The following PRKAR2A variants were observed in gnomAD, a reference collection of about 807,000 sequenced individuals.
The protein encoded by PRKAR2A is cAMP-dependent protein kinase type II-alpha regulatory subunit.
Under a neutral mutation model 51.9 loss-of-function variants are expected in PRKAR2A, and 29 were observed. That is an observed-to-expected ratio of 0.56 (90% CI 0.42 to 0.76). The LOEUF (loss-of-function observed/expected upper bound fraction) is 0.76. Among genes scored for constraint, PRKAR2A ranks in the 30% least tolerant of loss-of-function variants. The probability of loss-of-function intolerance (pLI) is 0.00; values close to 1 mark genes in which losing one functional copy is unlikely to be tolerated. For synonymous variants in PRKAR2A, 178 were observed against 186.2 expected (o/e 0.96, Z 0.36); for missense variants, 445 against 512.1 (o/e 0.87, Z 1.26).
At chr3:48,791,228 A>G (rs1314453527) in intron 3 of PRKAR2A, among the ~76,000 whole-genome samples, 2 of 126,076 alleles carry the variant, frequency 1.6e-5, no homozygotes, top group African/African-American at 6.0e-5. Context: ...CGGAGGTTGC[A>G]GTGAGCCAAG....
intron 5 of PRKAR2A, among the ~76,000 whole-genome samples, chr3:48,776,425 T>C (rs2082105991): frequency 6.6e-6 from 1 of 152,178 alleles, no homozygotes; most frequent in South Asian, 2.1e-4. Context: ...TAATTTCATC[T>C]GCTAATAATA....
intron 2 of PRKAR2A, among the ~76,000 whole-genome samples, chr3:48,797,734 C>G (rs1265913442): frequency 6.6e-6 from 1 of 152,178 alleles, no homozygotes; most frequent in Non-Finnish European, 1.5e-5. Context: ...ATTCTAGTCT[C>G]TGAAATAGCA....
At chr3:48,791,285 TAAAAA>T (rs35380085) in intron 3 of PRKAR2A, among the ~76,000 whole-genome samples, 4 of 43,748 alleles carry the variant, frequency 9.1e-5, no homozygotes, top group African/African-American at 3.7e-4. Flanking sequence ...GATTCCATCT[TAAAAA>T]AAAAAAAAAA....
chr3:48,787,482 G>A (rs753302655), intron 4 of PRKAR2A, among the ~76,000 whole-genome samples: 5 of 152,016 alleles, frequency 3.3e-5, no homozygotes, highest in African/African-American at 7.2e-5. Context: ...CACCGTGCCC[G>A]TCCAAGTTAT....
intron 1 of PRKAR2A, among the ~76,000 whole-genome samples, chr3:48,845,810 G>A (rs1350736697): frequency 6.6e-6 from 1 of 152,124 alleles, no homozygotes; most frequent in Non-Finnish European, 1.5e-5. Context: ...GTAAGGCATG[G>A]TGGCACATGC....
intron 1 of PRKAR2A, among the ~76,000 whole-genome samples, chr3:48,820,203 A>G (rs1559640574): frequency 6.6e-6 from 1 of 152,188 alleles, no homozygotes. Context: ...TGTGGAGCCA[A>G]TGGAGTAGAT....
chr3:48,771,660 C>T (rs1202952688), intron 6 of PRKAR2A, among the ~76,000 whole-genome samples: 1 of 152,026 alleles, frequency 6.6e-6, no homozygotes, highest in Non-Finnish European at 1.5e-5. Flanking sequence ...TGGACTCAAT[C>T]CTCCCACCTC....
In PRKAR2A at chr3:48,790,229, G is replaced by A. The variant is rs1257405672; in HGVS notation, c.435+315C>T. Among the ~76,000 whole-genome samples, 3 of 152,176 alleles carry A rather than the reference G, an allele frequency of 2.0e-5. No individual in the cohort carries two copies. In the South Asian group the frequency reaches 6.2e-4, roughly 32 times the overall value. On this transcript the variant is annotated intron_variant, in intron 4 of 10. Coordinates refer to ENST00000265563, the MANE Select transcript of PRKAR2A (RefSeq NM_004157.4). ...TGAGACTCATCACACTACTCGGAAT[G>A]GCATGCCTTTTAAAACTTAGGAATT...
rs1040863945 is a variant in PRKAR2A, at chr3:48,759,679, G to A, written c.874-3235C>T. Among the ~76,000 whole-genome samples the A allele has an allele frequency of 2.6e-5, 4 of 152,256 alleles. No homozygotes were observed. The East Asian group carries it at 5.8e-4, about 22-fold the overall frequency. ...TGGGATTACAGGCATGAGCCACTGCGCCCGGCCAAGTATCCTGCTTTTCAA... is the reference window on the plus strand; with the variant it reads ...TGGGATTACAGGCATGAGCCACTGCACCCGGCCAAGTATCCTGCTTTTCAA... On this transcript the variant is annotated intron_variant, in intron 8 of 10. Transcript: ENST00000265563.
intron 1 of PRKAR2A, among the ~76,000 whole-genome samples, chr3:48,839,393 T>C (rs1372439681): frequency 6.8e-6 from 1 of 147,902 alleles, no homozygotes; most frequent in Non-Finnish European, 1.5e-5. Context: ...TCTATAAAGC[T>C]GTTACCTAAA....
chr3:48,798,100 C>T (rs1030448422), intron 2 of PRKAR2A, among the ~76,000 whole-genome samples: 3 of 151,810 alleles, frequency 2.0e-5, no homozygotes, highest in African/African-American at 7.3e-5. Flanking sequence ...TTACAGGTGC[C>T]CGCCACCACA....
chr3:48,756,813 T>C (rs1395443733), intron 8 of PRKAR2A, among the ~76,000 whole-genome samples: 3 of 152,228 alleles, frequency 2.0e-5, no homozygotes, highest in Non-Finnish European at 4.4e-5. Context: ...TGTGGGTCTT[T>C]TGTCTTCACT....
At chr3:48,767,235 T>C (rs924418210) in intron 6 of PRKAR2A, among the ~76,000 whole-genome samples, 2 of 152,122 alleles carry the variant, frequency 1.3e-5, no homozygotes, top group African/African-American at 4.8e-5. Context: ...TCCCAGAACT[T>C]TGGGAGGCCG....
intron 6 of PRKAR2A, among the ~76,000 whole-genome samples, chr3:48,768,292 A>G (rs1211258300): frequency 7.2e-5 from 8 of 111,654 alleles, no homozygotes; most frequent in Non-Finnish European, 1.1e-4. Context: ...AGACCGTCTC[A>G]AAAGATAGAT....
chr3:48,753,704 T>A (rs2081702528), intron 9 of PRKAR2A, among the ~76,000 whole-genome samples: 1 of 152,180 alleles, frequency 6.6e-6, no homozygotes, highest in Non-Finnish European at 1.5e-5. Context: ...TCAGTAAATC[T>A]GGGGAAAAGC....
At chr3:48,828,104 G>A (rs538407725) in intron 1 of PRKAR2A, among the ~76,000 whole-genome samples, 123 of 152,266 alleles carry the variant, frequency 8.1e-4, no homozygotes, top group African/African-American at 2.6e-3. Flanking sequence ...GAGCTCAGGC[G>A]ATCCACCCAC....
At chr3:48,792,332 G>C (rs1044080227) in intron 3 of PRKAR2A, among the ~76,000 whole-genome samples, 2 of 151,248 alleles carry the variant, frequency 1.3e-5, no homozygotes, top group Non-Finnish European at 1.5e-5. Context: ...AGTAGAGATG[G>C]GGTTTCACCA....
chr3:48,799,623 G>A (rs2082553917), intron 2 of PRKAR2A, among the ~76,000 whole-genome samples: 1 of 152,158 alleles, frequency 6.6e-6, no homozygotes, highest in Admixed American at 6.6e-5. Context: ...AAGCACATAA[G>A]CCTTAAAGGG....
chr3:48,814,222 T>C (rs750238137), intron 1 of PRKAR2A, among the ~76,000 whole-genome samples: 14 of 151,604 alleles, frequency 9.2e-5, no homozygotes, highest in Non-Finnish European at 1.8e-4. Flanking sequence ...CACTCCAGTC[T>C]GGCGACAGAG....
Sources: gnomAD v4.1 joint callset for allele counts (sites outside exome capture counted in the v4.1 genomes callset) on GRCh38, gnomAD v4.1.1 for gene constraint, MANE v1.5 for transcripts, NCBI Gene and HGNC (gene_info 2026-07-23, HGNC 2026-07-21) for gene names.